The following MYO7B variants were observed in gnomAD, a reference collection of about 807,000 sequenced individuals.
MYO7B encodes myosin VIIB, also known as unconventional myosin-VIIb.
Under a neutral mutation model 259.7 loss-of-function variants are expected in MYO7B, and 212 were observed. The ratio of observed to expected loss-of-function variants is 0.82; its 90% CI spans 0.73 to 0.91. The LOEUF is 0.91. Among genes scored for constraint, MYO7B ranks in the 40% least tolerant of loss-of-function variants. MYO7B has a pLI of 0.00. For synonymous variants in MYO7B, 1,197 were observed against 1,166.4 expected (o/e 1.03, Z -0.54); for missense variants, 2,732 against 2,813.5 (o/e 0.97, Z 0.66).
At chr2:127,581,741 G>A in intron 10 of MYO7B, 150 bp from the exon 11 acceptor site, 1 of 1,025,194 alleles carries the variant, frequency 9.8e-7, no homozygotes, top group South Asian at 1.6e-5. Context: ...ACAGCTCCCA[G>A]GGCCCTGGCC....
Position 127,622,078 on chromosome 2 carries a change from C to T in MYO7B, c.3622C>T (p.Pro1208Ser), listed in dbSNP as rs1383615405. The change falls in exon 28 of 48, where the codon CCC becomes TCC. Residue 1208 changes from proline (P) to serine (S), a missense_variant. By Grantham distance (74) the Pro-to-Ser change is moderately conservative. Coordinates refer to ENST00000409816, the MANE Select transcript of MYO7B (RefSeq NM_001393586.1). ...CTATGCCAATGGGGTGCGTGCGGAG[C>T]CCCCCACCTGGCTGGAGCTGCAGGT... ...RTYANGVRAE[P>S]PTWLELQAVK... 1 of 1,550,104 alleles carries T rather than the reference C, an allele frequency of 6.5e-7. No homozygotes were observed. Among genetic ancestry groups the T allele is most frequent in the Non-Finnish European group, 8.7e-7 (1 of 1,145,838 alleles).
chr2:127,600,294 T>G (rs1384173031), intron 19 of MYO7B, among the ~76,000 whole-genome samples: 1 of 152,260 alleles, frequency 6.6e-6, no homozygotes, highest in African/African-American at 2.4e-5. Context: ...TTGTTCATAA[T>G]ATTCCCTTAT....
chr2:127,573,360 T>C (rs1029041001), intron 6 of MYO7B, among the ~76,000 whole-genome samples: 1 of 152,240 alleles, frequency 6.6e-6, no homozygotes, highest in Non-Finnish European at 1.5e-5. Context: ...ATATCTTTCT[T>C]ACTGTGGATC....
intron 1 of MYO7B, among the ~76,000 whole-genome samples, chr2:127,553,898 C>T (rs978119546): frequency 2.8e-4 from 43 of 152,238 alleles, no homozygotes; most frequent in African/African-American, 9.1e-4. Context: ...GTGGATTTGT[C>T]ATAGATGGCT....
At chr2:127,578,327 G>C in intron 9 of MYO7B, 41 bp downstream of exon 9, 1 of 1,611,276 alleles carries the variant, frequency 6.2e-7, no homozygotes, top group Non-Finnish European at 8.5e-7. Context: ...TGGGGAGGGA[G>C]AGGGAAGGGG....
intron 16 of MYO7B, among the ~76,000 whole-genome samples, chr2:127,592,385 A>C (rs1679589441): frequency 2.0e-5 from 3 of 152,064 alleles, no homozygotes; most frequent in Non-Finnish European, 2.9e-5. Flanking sequence ...ACAGAACGAG[A>C]CTCCATCTCA....
rs188207764 is a variant in MYO7B at position 127,628,800 on chromosome 2, G to A, written c.4624+265G>A. Among the ~76,000 whole-genome samples, 156 of 152,348 alleles carry A rather than the reference G, an allele frequency of 1.0e-3. 1 individual carries two copies. The highest frequency in any genetic ancestry group is 6.2e-4 in the South Asian group (3 of 4,830). ...CCATGCTCAGCGCTGCACTGCTGCAGAAGCACTGAGAAAGGCCAGCCCCCA... is the reference window on the plus strand; with the variant it reads ...CCATGCTCAGCGCTGCACTGCTGCAAAAGCACTGAGAAAGGCCAGCCCCCA... On this transcript the variant is annotated intron_variant, in intron 34 of 47. Coordinates refer to ENST00000409816, the MANE Select transcript of MYO7B (RefSeq NM_001393586.1). This position sits in a 1 kb window ranked among gnomAD's most constrained non-coding sequence, Gnocchi z 4.8.
rs1022531923 is a variant in MYO7B at position 127,617,869 on chromosome 2, T to G, written c.3399-2471T>G. Among the ~76,000 whole-genome samples, 11 of 151,512 alleles carry G rather than the reference T, an allele frequency of 7.3e-5. 1 individual carries two copies. The highest frequency in any genetic ancestry group is 1.5e-4 in the Non-Finnish European group (10 of 67,854). On this transcript the variant is annotated intron_variant, in intron 26 of 47. Transcript: ENST00000409816. ...TCTGGGCTTTAGTTTTTTTTTTTTT[T>G]GCTCCAGCAGACCTTCCTCGCTCAA...
intron 6 of MYO7B, among the ~76,000 whole-genome samples, chr2:127,571,562 C>T (rs1191240225): frequency 6.6e-6 from 1 of 151,136 alleles, no homozygotes; most frequent in East Asian, 1.9e-4. Flanking sequence ...CTCACTGCAA[C>T]CTCTGCCTGT....
intron 5 of MYO7B, among the ~76,000 whole-genome samples, 156 bp from the exon 6 acceptor site, chr2:127,569,633 G>T (rs1307376722): frequency 6.6e-6 from 1 of 152,198 alleles, no homozygotes; most frequent in Non-Finnish European, 1.5e-5. Context: ...ACCCACAGGG[G>T]ATTTCAGGGC....
At chr2:127,631,860 C>A (rs542908274) in intron 38 of MYO7B, 107 bp downstream of exon 38, 2 of 1,393,066 alleles carry the variant, frequency 1.4e-6, no homozygotes, top group Non-Finnish European at 1.9e-6. Context: ...GGCGGCAGAA[C>A]CCCTGCCTGG....
intron 1 of MYO7B, among the ~76,000 whole-genome samples, chr2:127,554,573 T>C (rs1385503634): frequency 6.6e-6 from 1 of 152,244 alleles, no homozygotes; most frequent in Non-Finnish European, 1.5e-5. Context: ...CTGGTTTTGA[T>C]ATTAGGGTGA....
At chr2:127,554,414 C>T (rs1693562841) in intron 1 of MYO7B, among the ~76,000 whole-genome samples, 1 of 152,236 alleles carries the variant, frequency 6.6e-6, no homozygotes, top group Non-Finnish European at 1.5e-5. Flanking sequence ...ACCATCCCTG[C>T]ATCCCTGGTA....
At chr2:127,562,425 T>G (rs1678132294) in intron 2 of MYO7B, among the ~76,000 whole-genome samples, 1 of 151,946 alleles carries the variant, frequency 6.6e-6, no homozygotes, top group Admixed American at 6.6e-5. Flanking sequence ...GCCTCCTGAT[T>G]AGCTGGGATT....
intron 5 of MYO7B, among the ~76,000 whole-genome samples, chr2:127,569,358 G>A (rs186373292): frequency 1.3e-5 from 2 of 152,350 alleles, no homozygotes; most frequent in African/African-American, 4.8e-5. Context: ...CCAAAGTGCA[G>A]GAATCCTCTG....
At chr2:127,624,418 G>A in intron 30 of MYO7B, 98 bp downstream of exon 30, 4 of 1,108,526 alleles carry the variant, frequency 3.6e-6, no homozygotes, top group Non-Finnish European at 5.1e-6. Flanking sequence ...GGTAGAAGGT[G>A]GGGGGGCAGG....
chr2:127,629,266 A>G (rs556699622), intron 34 of MYO7B, among the ~76,000 whole-genome samples: 22 of 152,240 alleles, frequency 1.4e-4, no homozygotes, highest in Admixed American at 1.1e-3. Flanking sequence ...GAGGATTGCC[A>G]TCTCCAAATT....
chr2:127,570,721 C>A (rs947749471), intron 6 of MYO7B, among the ~76,000 whole-genome samples: 9 of 152,118 alleles, frequency 5.9e-5, no homozygotes, highest in African/African-American at 2.2e-4. Flanking sequence ...CTTCACCCCC[C>A]AGATCTTCTC....
At chr2:127,566,888 T>C (rs1025410376) in intron 5 of MYO7B, 61 bp downstream of exon 5, 22 of 1,537,150 alleles carry the variant, frequency 1.4e-5, no homozygotes, top group Non-Finnish European at 1.9e-5. Context: ...CCCACCAGCA[T>C]GCCTGCAAGA....
Sources: gnomAD v4.1 joint callset for allele counts (sites outside exome capture counted in the v4.1 genomes callset) on GRCh38, gnomAD v4.1.1 for gene constraint, Gnocchi (gnomAD v3.1) non-coding constraint, MANE v1.5 for transcripts, NCBI Gene and HGNC (gene_info 2026-07-23, HGNC 2026-07-21) for gene names.